Variants in CCAR1 observed in about 807,000 individuals in gnomAD.
CCAR1 encodes the protein cell division cycle and apoptosis regulator 1, also known as cell division cycle and apoptosis regulator protein 1.
CCAR1 carries 78 observed loss-of-function variants against 163.8 expected under a neutral mutation model. That is an observed-to-expected ratio of 0.48 (90% CI 0.40 to 0.57). CCAR1 has a LOEUF of 0.57. CCAR1 is among the 20% of genes least tolerant of loss of function. The pLI is 0.00. For synonymous variants in CCAR1, 443 were observed against 460.7 expected, an observed-to-expected ratio of 0.96 and a Z score of 0.49; for missense variants, 1,019 against 1,365.2, an observed-to-expected ratio of 0.75 and a Z score of 4.00.
intron 2 of CCAR1, among the ~76,000 whole-genome samples, chr10:68,735,491 A>G (rs958584725): frequency 1.3e-5 from 2 of 149,258 alleles, no homozygotes. Flanking sequence ...CTCTCATCTC[A>G]GCATCCTGAG....
At chr10:68,743,278 C>T (rs532691799) in intron 6 of CCAR1, among the ~76,000 whole-genome samples, 9 of 151,434 alleles carry the variant, frequency 5.9e-5, no homozygotes, top group Non-Finnish European at 5.9e-5. Flanking sequence ...CTCACGGCAA[C>T]CTCCACCTCC....
intron 24 of CCAR1, among the ~76,000 whole-genome samples, chr10:68,790,705 T>A (rs1441208722): frequency 2.0e-5 from 3 of 151,728 alleles, no homozygotes; most frequent in African/African-American, 7.3e-5. Context: ...ATTTTTATAT[T>A]TTTTTTAGAG....
intron 17 of CCAR1, among the ~76,000 whole-genome samples, chr10:68,769,079 A>G (rs1325177836): frequency 6.6e-6 from 1 of 152,012 alleles, no homozygotes; most frequent in South Asian, 2.1e-4. Flanking sequence ...GATTGAAGCA[A>G]TTCTCCTGCC....
chr10:68,749,009 A>C (rs948732105), intron 8 of CCAR1, 127 bp from the exon 9 acceptor site: 5 of 1,052,322 alleles, frequency 4.8e-6, no homozygotes, highest in Non-Finnish European at 6.8e-6. Flanking sequence ...TATATAAATT[A>C]GGCCAACTTT....
At chr10:68,751,570 A>G (rs1202079964) in intron 10 of CCAR1, among the ~76,000 whole-genome samples, 1 of 152,086 alleles carries the variant, frequency 6.6e-6, no homozygotes. Flanking sequence ...CTTCTCAATT[A>G]GACCTTCAGG....
At chr10:68,766,362 C>T (rs1208367446) in intron 17 of CCAR1, among the ~76,000 whole-genome samples, 1 of 151,502 alleles carries the variant, frequency 6.6e-6, no homozygotes, top group African/African-American at 2.4e-5. Flanking sequence ...GCCACCACAC[C>T]CAGCTAATTT....
At chr10:68,783,217 T>C (rs576937403) in intron 19 of CCAR1, among the ~76,000 whole-genome samples, 3 of 151,752 alleles carry the variant, frequency 2.0e-5, no homozygotes, top group Admixed American at 2.0e-4. Flanking sequence ...TGAGACGGAG[T>C]CTTGCTCTGT....
At chr10:68,729,714 A>AG (rs1166680444) in intron 2 of CCAR1, among the ~76,000 whole-genome samples, 1 of 151,970 alleles carries the variant, frequency 6.6e-6, no homozygotes, top group South Asian at 2.1e-4. Context: ...AAAAAAAAAA[A>AG]AAAATACAAA....
At chr10:68,725,367 C>T (rs1039098219) in intron 2 of CCAR1, among the ~76,000 whole-genome samples, 1 of 151,096 alleles carries the variant, frequency 6.6e-6, no homozygotes, top group Non-Finnish European at 1.5e-5. Context: ...CACTGTACTC[C>T]AGCCTGAGCA....
chr10:68,784,539 T>C (rs971364953), intron 19 of CCAR1, among the ~76,000 whole-genome samples: 2 of 152,134 alleles, frequency 1.3e-5, no homozygotes, highest in African/African-American at 4.8e-5. Context: ...AAAGAGGTTA[T>C]TCTGTGGGTC....
rs1197406261 is a variant in CCAR1, at chr10:68,761,096, T to A, written c.2010T>A (p.Leu670=). Residue 670 remains leucine (L), a synonymous_variant, in exon 16 of 25, where the codon CTT becomes CTA. Coordinates refer to ENST00000265872, the MANE Select transcript of CCAR1 (RefSeq NM_018237.4). ...TAATAGCCCGATTGACAAAACAGCT[T>A]AAAGTAGAGGAACAAAAAGAAGAAC... ...SQLIARLTKQ[L]KVEEQKEEQK... 17 of 1,610,636 alleles carry A rather than the reference T, an allele frequency of 1.1e-5. No homozygotes were observed. Among genetic ancestry groups the A allele is most frequent in the Non-Finnish European group, 1.4e-5 (17 of 1,178,136 alleles).
intron 5 of CCAR1, among the ~76,000 whole-genome samples, chr10:68,741,466 G>A (rs2056183165): frequency 6.6e-6 from 1 of 152,162 alleles, no homozygotes; most frequent in South Asian, 2.1e-4. Context: ...TTTTGAAAGT[G>A]TAAAAAGTGT....
chr10:68,773,489 C>A (rs1441768581), intron 19 of CCAR1, among the ~76,000 whole-genome samples: 1 of 151,892 alleles, frequency 6.6e-6, no homozygotes, highest in Non-Finnish European at 1.5e-5. Context: ...ATGGTGAAAC[C>A]CCATTTCTAC....
chr10:68,725,366 C>T (rs1420833460), intron 2 of CCAR1, among the ~76,000 whole-genome samples: 1 of 151,458 alleles, frequency 6.6e-6, no homozygotes, highest in East Asian at 1.9e-4. Context: ...CCACTGTACT[C>T]CAGCCTGAGC....
chr10:68,723,893 T>C (rs1400494430), intron 2 of CCAR1, among the ~76,000 whole-genome samples: 1 of 151,350 alleles, frequency 6.6e-6, no homozygotes, highest in East Asian at 1.9e-4. Context: ...GCGCGGTGGC[T>C]TGTGCCTGTA....
At chr10:68,730,078 C>T (rs2056014642) in intron 2 of CCAR1, among the ~76,000 whole-genome samples, 1 of 151,790 alleles carries the variant, frequency 6.6e-6, no homozygotes, top group South Asian at 2.1e-4. Context: ...CGTGCCACCA[C>T]ACCCAGCTAA....
At chr10:68,790,129 G>T (rs778923018) in intron 24 of CCAR1, among the ~76,000 whole-genome samples, 1 of 152,032 alleles carries the variant, frequency 6.6e-6, no homozygotes, top group Admixed American at 6.6e-5. Context: ...CAACGCGGGC[G>T]GATCACCTGA....
At chr10:68,781,493 A>G (rs992467666) in intron 19 of CCAR1, among the ~76,000 whole-genome samples, 3 of 152,116 alleles carry the variant, frequency 2.0e-5, no homozygotes, top group Non-Finnish European at 2.9e-5. Flanking sequence ...GTGAGCTGAG[A>G]TCATGCCATA....
At chr10:68,741,594 CCTCT>C (rs2056185482) in intron 5 of CCAR1, among the ~76,000 whole-genome samples, 2 of 152,088 alleles carry the variant, frequency 1.3e-5, no homozygotes, top group African/African-American at 4.8e-5. Context: ...TAAAGCACAA[CCTCT>C]TTGTATACTG....
Sources: allele counts gnomAD v4.1 joint callset (sites outside exome capture counted in the v4.1 genomes callset), GRCh38; gene constraint gnomAD v4.1.1; transcripts MANE v1.5; gene names NCBI Gene and HGNC (gene_info 2026-07-23, HGNC 2026-07-21).